Variants in MRPS27 observed in about 807,000 individuals in gnomAD.
MRPS27 encodes mitochondrial ribosomal protein S27.
Under a neutral mutation model 48.9 loss-of-function variants are expected in MRPS27, and 43 were observed. The observed-to-expected ratio is 0.88, with a 90% CI of 0.69 to 1.13. The LOEUF (loss-of-function observed/expected upper bound fraction) is 1.13. MRPS27 is among the 50% of genes most tolerant of loss of function. The pLI, the probability that MRPS27 is intolerant of heterozygous loss-of-function variation, is 0.00. For missense variants in MRPS27, 467 were observed against 476.3 expected, an observed-to-expected ratio of 0.98 and a Z score of 0.18; for synonymous variants, 188 against 171.9, an observed-to-expected ratio of 1.09 and a Z score of -0.73.
At chr5:72,234,054 A>G in intron 6 of MRPS27, 65 bp downstream of exon 6, 5 of 1,390,244 alleles carry the variant, frequency 3.6e-6, no homozygotes, top group Non-Finnish European at 4.7e-6. Flanking sequence ...AAGTTCCTAC[A>G]TTTGTACACC....
intron 10 of MRPS27, among the ~76,000 whole-genome samples, chr5:72,221,566 T>G (rs1747742613): frequency 6.6e-6 from 1 of 152,182 alleles, no homozygotes; most frequent in East Asian, 1.9e-4. Context: ...CACCCTGACC[T>G]AACCAAACCA....
intron 4 of MRPS27, among the ~76,000 whole-genome samples, chr5:72,247,527 T>A (rs534658385): frequency 2.6e-5 from 4 of 152,314 alleles, no homozygotes; most frequent in South Asian, 4.1e-4. Context: ...ATTATTATTA[T>A]GGGAATGGTG....
intron 7 of MRPS27, 81 bp downstream of exon 7, chr5:72,232,362 C>CA: frequency 1.0e-6 from 1 of 970,186 alleles, no homozygotes; most frequent in Non-Finnish European, 1.5e-6. Flanking sequence ...GAGCTGCAGA[C>CA]ACCTTTTTCC....
chr5:72,242,474 G>C (rs139184267), intron 4 of MRPS27, among the ~76,000 whole-genome samples: 2 of 149,094 alleles, frequency 1.3e-5, no homozygotes, highest in Non-Finnish European at 3.0e-5. Flanking sequence ...TTATATAGGA[G>C]GTACTCTATT....
intron 4 of MRPS27, among the ~76,000 whole-genome samples, chr5:72,286,330 T>C (rs554874412): frequency 1.3e-5 from 2 of 152,308 alleles, no homozygotes; most frequent in East Asian, 3.9e-4. Context: ...TTACACTACC[T>C]AATTTTAAGA....
chr5:72,230,337 A>C (rs527355364), intron 7 of MRPS27, among the ~76,000 whole-genome samples: 2 of 152,246 alleles, frequency 1.3e-5, no homozygotes, highest in South Asian at 4.1e-4. Flanking sequence ...TCCCCGCTTT[A>C]TTCTCCACTT....
chr5:72,301,682 T>TG (rs2112072118), intron 2 of MRPS27, among the ~76,000 whole-genome samples: 1 of 152,374 alleles, frequency 6.6e-6, no homozygotes, highest in South Asian at 2.1e-4. Flanking sequence ...TGAAATTGGC[T>TG]GGAGCCTCAG....
At chr5:72,285,337 T>C (rs1749644675) in intron 4 of MRPS27, among the ~76,000 whole-genome samples, 1 of 152,220 alleles carries the variant, frequency 6.6e-6, no homozygotes, top group African/African-American at 2.4e-5. Flanking sequence ...CTTTTATAAA[T>C]GTTTGCTGAT....
intron 9 of MRPS27, among the ~76,000 whole-genome samples, chr5:72,224,364 C>T (rs1289839229): frequency 6.6e-6 from 1 of 152,090 alleles, no homozygotes; most frequent in Non-Finnish European, 1.5e-5. Flanking sequence ...GTCTCAAAGA[C>T]AAAACAACAA....
At chr5:72,296,314 A>G (rs1029478099) in intron 3 of MRPS27, among the ~76,000 whole-genome samples, 3 of 152,204 alleles carry the variant, frequency 2.0e-5, no homozygotes, top group African/African-American at 7.2e-5. Context: ...GAGTAAAAAG[A>G]GGGAGACTTT....
chr5:72,319,832 G>A (rs373273469), intron 1 of MRPS27, among the ~76,000 whole-genome samples: 1 of 152,266 alleles, frequency 6.6e-6, no homozygotes, highest in African/African-American at 2.4e-5. Flanking sequence ...GGGCCACCGC[G>A]CCCGGCGCAC....
At chr5:72,266,426 G>C (rs941171661) in intron 4 of MRPS27, among the ~76,000 whole-genome samples, 2 of 152,204 alleles carry the variant, frequency 1.3e-5, no homozygotes, top group African/African-American at 4.8e-5. Flanking sequence ...TCTAGGACAG[G>C]AATCTAAGTG....
At position 72,238,140 on chromosome 5, in the gene MRPS27, C is replaced by G. The variant is rs747173833; in HGVS notation, c.282-12G>C. 6.3e-7 allele frequency: 1 copy of G among 1,590,110 alleles called. No individual in the cohort carries two copies. The highest frequency in any genetic ancestry group is 8.6e-7 in the Non-Finnish European group (1 of 1,158,636). On this transcript the variant is annotated splice_polypyrimidine_tract_variant and intron_variant, in intron 4 of 10. Transcript: ENST00000261413. ...GGCTGTGTCGAAACCTAAATAAGCA[C>G]AAGAAGAGAGAAAACTGGTGTTAAC...
At chr5:72,253,135 T>C (rs188778690) in intron 4 of MRPS27, among the ~76,000 whole-genome samples, 5 of 152,342 alleles carry the variant, frequency 3.3e-5, no homozygotes, top group African/African-American at 1.2e-4. Flanking sequence ...GCCTTGCTTC[T>C]GGACTACCTC....
At chr5:72,241,390 C>T in intron 4 of MRPS27, 1 of 530,652 alleles carries the variant, frequency 1.9e-6, no homozygotes, top group Admixed American at 3.3e-5. Flanking sequence ...AAATGCAATT[C>T]CTGAATTTCC....
rs112660977 is a variant in MRPS27, at chr5:72,220,516, T to G, written c.*393A>C. On this transcript the variant is annotated 3_prime_UTR_variant, in exon 11 of 11. Transcript: ENST00000261413. ...CAGCCTGGGTGACAGAATGAGACTC[T>G]GTCTCAAAAAACAAAAACAACAAAA... is the stretch of plus-strand genomic sequence containing the variant. The G allele has an allele frequency of 9.7e-4, 164 of 168,300 alleles. No homozygotes were observed. The highest frequency in any genetic ancestry group is 3.8e-3 in the African/African-American group (161 of 41,982). 10.4% of individuals were successfully genotyped at this position (168,300 alleles called of 1,614,324 possible).
chr5:72,242,163 T>A (rs1748368824), intron 4 of MRPS27, among the ~76,000 whole-genome samples: 2 of 152,122 alleles, frequency 1.3e-5, no homozygotes, highest in African/African-American at 4.8e-5. Context: ...GAGTAGGATT[T>A]TCAGGTGAAG....
chr5:72,317,860 C>G (rs542678554), intron 1 of MRPS27, among the ~76,000 whole-genome samples: 16 of 152,268 alleles, frequency 1.1e-4, no homozygotes, highest in Admixed American at 9.8e-4. Flanking sequence ...ATGCAGAAGT[C>G]TCTTACATAA....
Position 72,233,349 on chromosome 5 carries a change from A to G in MRPS27, c.475+770T>C, listed in dbSNP as rs529322010. Among the ~76,000 whole-genome samples, 11 of 152,288 alleles carry G rather than the reference A, an allele frequency of 7.2e-5. No individual in the cohort carries two copies. The East Asian group carries it at 2.1e-3, about 29-fold the overall frequency. On this transcript the variant is annotated intron_variant, in intron 6 of 10. Coordinates refer to ENST00000261413, the MANE Select transcript of MRPS27 (RefSeq NM_015084.3). The stretch of plus-strand genomic sequence containing the variant: ...ATATTCTACAACATAGATGGAGGCC[A>G]AGAAAATCAAGTCAAACAATTTCCT...
Sources: allele counts gnomAD v4.1 joint callset (sites outside exome capture counted in the v4.1 genomes callset), GRCh38; gene constraint gnomAD v4.1.1; transcripts MANE v1.5; gene names NCBI Gene and HGNC (gene_info 2026-07-23, HGNC 2026-07-21).